The following RNF24 variants were observed in gnomAD, a reference collection of about 807,000 sequenced individuals.
RNF24 encodes ring finger protein 24.
Under a neutral mutation model 20.0 loss-of-function variants are expected in RNF24, and 14 were observed. That is an observed-to-expected ratio of 0.70 (90% CI 0.46 to 1.10). The LOEUF is 1.10. RNF24 is among the 50% of genes least tolerant of loss of function. The probability of loss-of-function intolerance (pLI) is 0.00; values close to 1 mark genes in which losing one functional copy is unlikely to be tolerated. For synonymous variants in RNF24, 45 were observed against 61.1 expected (o/e 0.74, Z 1.23); for missense variants, 124 against 177.6 (o/e 0.70, Z 1.71).
intron 1 of RNF24, among the ~76,000 whole-genome samples, chr20:4,002,406 AAAAC>A (rs962323092): frequency 7.2e-5 from 11 of 151,926 alleles, no homozygotes; most frequent in African/African-American, 2.4e-4. Context: ...AAAAAACAAA[AAAAC>A]AAAACAAAAC....
chr20:3,971,894 T>C (rs1255047142), intron 1 of RNF24, among the ~76,000 whole-genome samples: 9 of 152,154 alleles, frequency 5.9e-5, no homozygotes, highest in Admixed American at 3.9e-4. Context: ...CACCCAATAA[T>C]ATGCTGTCTA....
At chr20:3,980,557 G>A (rs928007765) in intron 1 of RNF24, among the ~76,000 whole-genome samples, 4 of 152,090 alleles carry the variant, frequency 2.6e-5, no homozygotes, top group Non-Finnish European at 5.9e-5. Context: ...TCAGACTACA[G>A]TTGACCATGA....
At chr20:3,946,850 C>T (rs901693334) in intron 3 of RNF24, among the ~76,000 whole-genome samples, 4 of 152,046 alleles carry the variant, frequency 2.6e-5, no homozygotes, top group Admixed American at 2.6e-4. Flanking sequence ...AGGGAATGTG[C>T]CAGTGAGCTC....
At chr20:3,987,407 A>G (rs2147039475) in intron 1 of RNF24, among the ~76,000 whole-genome samples, 1 of 152,328 alleles carries the variant, frequency 6.6e-6, no homozygotes, top group Admixed American at 6.5e-5. Flanking sequence ...CCAAGAAAAC[A>G]TGTTTTTTTC....
rs1038316554 is a variant in RNF24, at chr20:3,946,920, C to A, written c.186+1317G>T. On this transcript the variant is annotated intron_variant, in intron 3 of 5. Coordinates refer to ENST00000358395, the MANE Select transcript of RNF24 (RefSeq NM_001134337.3). ...AAAGATAAGCAGTCCTGGCTGGGCG[C>A]GGTGGCTCACACCTGTAATCCTGGC... Among the ~76,000 whole-genome samples the A allele has an allele frequency of 2.0e-5, 3 of 152,104 alleles. No individual in the cohort carries two copies. In the East Asian group the frequency reaches 5.8e-4, roughly 29 times the overall value.
intron 3 of RNF24, among the ~76,000 whole-genome samples, chr20:3,946,693 CAAAAA>C (rs59440287): frequency 2.9e-5 from 3 of 104,416 alleles, no homozygotes; most frequent in Non-Finnish European, 3.7e-5. Context: ...GAGACCCCGT[CAAAAA>C]AAAAAAAAAA....
At chr20:3,982,578 C>A (rs79074323) in intron 1 of RNF24, among the ~76,000 whole-genome samples, 405 of 104,744 alleles carry the variant, frequency 3.9e-3, no homozygotes, top group Middle Eastern at 5.4e-3. Context: ...GACTCTGTCT[C>A]AAAAAAAAAA....
intron 1 of RNF24, among the ~76,000 whole-genome samples, chr20:3,980,431 T>C (rs1358771053): frequency 6.6e-6 from 1 of 152,172 alleles, no homozygotes; most frequent in African/African-American, 2.4e-5. Context: ...CAGGGGATGA[T>C]TCACGTCCTG....
At chr20:3,979,281 T>C (rs1238976262) in intron 1 of RNF24, among the ~76,000 whole-genome samples, 2 of 152,090 alleles carry the variant, frequency 1.3e-5, no homozygotes, top group Admixed American at 6.6e-5. Context: ...ACAGAACTCT[T>C]AGAGGCCACA....
In RNF24 at chr20:3,928,239, G is replaced by A. The variant is rs537728487; in HGVS notation, c.*5824C>T. 6.6e-6 allele frequency: 1 copy of A among 152,350 alleles called. No individual in the cohort carries two copies. Among genetic ancestry groups the A allele is most frequent in the East Asian group, 1.9e-4 (1 of 5,188 alleles). 9.4% of individuals were successfully genotyped at this position (152,350 alleles called of 1,614,324 possible). On this transcript the variant is annotated 3_prime_UTR_variant, in exon 6 of 6. Coordinates refer to ENST00000358395, the MANE Select transcript of RNF24 (RefSeq NM_001134337.3). ...AAATGCCAGAAGAGTGGATGTGATA[G>A]AGAATTTTTTCTCAAGTTTTGGGTT...
chr20:3,967,806 C>A, intron 1 of RNF24, among the ~76,000 whole-genome samples: 1 of 140,316 alleles, frequency 7.1e-6, no homozygotes, highest in Non-Finnish European at 1.6e-5. Flanking sequence ...CCATCTTGGC[C>A]AATATGGTGA....
At chr20:3,963,018 T>C (rs914214616) in intron 2 of RNF24, among the ~76,000 whole-genome samples, 1 of 152,166 alleles carries the variant, frequency 6.6e-6, no homozygotes, top group East Asian at 1.9e-4. Context: ...ATTTTAATAA[T>C]AGTTTAATAG....
At chr20:3,965,647 T>C (rs2091249689) in intron 1 of RNF24, among the ~76,000 whole-genome samples, 2 of 152,218 alleles carry the variant, frequency 1.3e-5, no homozygotes, top group Non-Finnish European at 2.9e-5. Context: ...TTACCAAATA[T>C]ACATAGCACA....
intron 2 of RNF24, among the ~76,000 whole-genome samples, chr20:3,951,574 A>C (rs2091082069): frequency 6.6e-6 from 1 of 152,142 alleles, no homozygotes; most frequent in Admixed American, 6.5e-5. Flanking sequence ...TATTAACTGG[A>C]AATCTTCTAT....
chr20:4,006,341 C>T (rs534128766), intron 1 of RNF24, among the ~76,000 whole-genome samples: 3 of 151,136 alleles, frequency 2.0e-5, no homozygotes, highest in Non-Finnish European at 1.5e-5. Context: ...TGCACTCCAG[C>T]CTGGGTGACA....
intron 2 of RNF24, among the ~76,000 whole-genome samples, chr20:3,960,795 T>C (rs972570110): frequency 2.0e-5 from 3 of 152,284 alleles, no homozygotes; most frequent in African/African-American, 7.2e-5. Flanking sequence ...TTTCTTTGCT[T>C]TGTTAGCTTA....
intron 1 of RNF24, among the ~76,000 whole-genome samples, chr20:4,001,958 C>G (rs868466745): frequency 6.7e-6 from 1 of 148,868 alleles, no homozygotes; most frequent in Admixed American, 6.7e-5. Context: ...AAAAAACAAA[C>G]AAAAAAAAAC....
At chr20:4,014,416 C>T (rs975835488) in intron 1 of RNF24, among the ~76,000 whole-genome samples, 1 of 152,120 alleles carries the variant, frequency 6.6e-6, no homozygotes, top group Non-Finnish European at 1.5e-5. Flanking sequence ...TATGAGCATT[C>T]GGACAAATTA....
At chr20:3,947,241 T>A (rs1300941635) in intron 3 of RNF24, among the ~76,000 whole-genome samples, 1 of 152,186 alleles carries the variant, frequency 6.6e-6, no homozygotes, top group Non-Finnish European at 1.5e-5. Flanking sequence ...TACAGTTCCA[T>A]AACATCAGCG....
Sources: gnomAD v4.1 joint callset for allele counts (sites outside exome capture counted in the v4.1 genomes callset) on GRCh38, gnomAD v4.1.1 for gene constraint, MANE v1.5 for transcripts, NCBI Gene and HGNC (gene_info 2026-07-23, HGNC 2026-07-21) for gene names.